Variants in MARCHF6 observed in about 807,000 individuals in gnomAD.
MARCHF6 encodes the protein membrane associated ring-CH-type finger 6, also known as E3 ubiquitin-protein ligase MARCHF6.
A neutral mutation model predicts 133.7 loss-of-function variants in MARCHF6; 31 were observed. The observed-to-expected ratio is 0.23, with a 90% CI of 0.17 to 0.31. The LOEUF is 0.31. MARCHF6 is among the 10% of genes least tolerant of loss of function. MARCHF6 has a pLI of 1.00. For synonymous variants in MARCHF6, 395 were observed against 402.5 expected, an observed-to-expected ratio of 0.98 and a Z score of 0.22; for missense variants, 723 against 1,121.6, an observed-to-expected ratio of 0.64 and a Z score of 5.08.
intron 25 of MARCHF6, 104 bp from the exon 26 acceptor site, chr5:10,433,490 A>T: frequency 1.2e-6 from 1 of 833,722 alleles, no homozygotes; most frequent in Non-Finnish European, 2.0e-6. Context: ...TGACTTGCCC[A>T]ACCATTGACG....
Position 10,381,844 on chromosome 5 carries a change from T to C in MARCHF6, c.235T>C (p.Phe79Leu), listed in dbSNP as rs1242316805. 4 of 1,611,768 alleles carry C rather than the reference T, an allele frequency of 2.5e-6. No homozygotes were observed. The highest frequency in any genetic ancestry group is 2.2e-5 in the East Asian group (1 of 44,778). The change falls in exon 4 of 26, where the codon TTT becomes CTT. Residue 79 changes from phenylalanine (F) to leucine (L), a missense_variant. Phe to Leu is a conservative substitution (Grantham distance 22, BLOSUM62 0). Around this residue, in one of 4 missense-constraint regions of MARCHF6, gnomAD observed 91 missense variants for 208.8 expected, o/e 0.44. Transcript: ENST00000274140. ...MPSRLPIQDI[F>L]AGLVTSIGTA... ...TTCACGGCTTCCAATTCAAGACATA[T>C]TTGCTGGACTGGTTACAAGTATTGG...
chr5:10,401,875 T>TATA, intron 11 of MARCHF6, 184 bp from the exon 12 acceptor site: 1 of 589,102 alleles, frequency 1.7e-6, no homozygotes. Flanking sequence ...TTTAGTAATA[T>TATA]ATAACAGTCA....
intron 1 of MARCHF6, among the ~76,000 whole-genome samples, chr5:10,360,216 C>G (rs1433084279): frequency 7.7e-6 from 1 of 129,738 alleles, no homozygotes; most frequent in East Asian, 2.5e-4. Flanking sequence ...GTGGCACCAT[C>G]TCAGCTCATT....
chr5:10,421,641 C>T (rs548806665), intron 22 of MARCHF6, among the ~76,000 whole-genome samples: 3 of 152,232 alleles, frequency 2.0e-5, no homozygotes, highest in South Asian at 4.2e-4. Context: ...TTGGAGAACG[C>T]GAATCACAGT....
chr5:10,402,629 G>A (rs774973309), intron 14 of MARCHF6, 22 bp downstream of exon 14: 1 of 1,576,026 alleles, frequency 6.3e-7, no homozygotes. Flanking sequence ...ATTCATTATT[G>A]TATAATAGCA....
At chr5:10,420,275 A>ATT (rs1687473865) in intron 22 of MARCHF6, among the ~76,000 whole-genome samples, 6 of 152,204 alleles carry the variant, frequency 3.9e-5, no homozygotes, top group African/African-American at 1.2e-4. Flanking sequence ...CAAGTAACAA[A>ATT]TGTTGGCTAA....
At chr5:10,426,682 A>G (rs1232750802) in intron 24 of MARCHF6, among the ~76,000 whole-genome samples, 160 bp downstream of exon 24, 2 of 152,222 alleles carry the variant, frequency 1.3e-5, no homozygotes, top group Non-Finnish European at 2.9e-5. Flanking sequence ...CTTAGATTTG[A>G]CTATTCTGGG....
chr5:10,377,516 T>C (rs1044238538), intron 1 of MARCHF6, among the ~76,000 whole-genome samples: 1 of 152,250 alleles, frequency 6.6e-6, no homozygotes, highest in Non-Finnish European at 1.5e-5. Flanking sequence ...GAGCGCAGTT[T>C]TGAATAAAAC....
intron 1 of MARCHF6, among the ~76,000 whole-genome samples, chr5:10,374,087 T>G (rs908822421): frequency 2.0e-5 from 3 of 151,940 alleles, no homozygotes; most frequent in African/African-American, 7.3e-5. Flanking sequence ...AATTTGATTC[T>G]GCAGAGAGAG....
chr5:10,365,502 G>T (rs1240119469), intron 1 of MARCHF6, among the ~76,000 whole-genome samples: 1 of 152,002 alleles, frequency 6.6e-6, no homozygotes, highest in East Asian at 1.9e-4. Flanking sequence ...GTTTCTCCAT[G>T]TTGGTCAGGT....
chr5:10,388,390 A>G (rs980051362), intron 5 of MARCHF6, among the ~76,000 whole-genome samples: 3 of 152,122 alleles, frequency 2.0e-5, no homozygotes, highest in Non-Finnish European at 2.9e-5. Flanking sequence ...AAATTTCCTT[A>G]ATGTCTTACC....
intron 1 of MARCHF6, among the ~76,000 whole-genome samples, chr5:10,359,179 C>G (rs574359816): frequency 6.6e-6 from 1 of 152,258 alleles, no homozygotes; most frequent in Non-Finnish European, 1.5e-5. Flanking sequence ...TGAGGTGCCA[C>G]TAAGTGATGC....
At chr5:10,384,171 G>A (rs901743245) in intron 4 of MARCHF6, among the ~76,000 whole-genome samples, 1 of 152,130 alleles carries the variant, frequency 6.6e-6, no homozygotes. Context: ...TTAAAAGCCT[G>A]AATGTGAAAG....
chr5:10,415,719 A>T, intron 21 of MARCHF6, 50 bp downstream of exon 21: 3 of 1,435,540 alleles, frequency 2.1e-6, no homozygotes, highest in South Asian at 1.6e-5. Flanking sequence ...AATAGTGAAT[A>T]TTTTTCCAGT....
intron 6 of MARCHF6, 64 bp from the exon 7 acceptor site, chr5:10,391,478 T>C: frequency 1.5e-6 from 1 of 663,796 alleles, no homozygotes; most frequent in South Asian, 1.9e-5. Context: ...AGGAATAATG[T>C]GATTTGGAAA....
chr5:10,421,307 T>C (rs1739808908), intron 22 of MARCHF6, among the ~76,000 whole-genome samples: 1 of 152,090 alleles, frequency 6.6e-6, no homozygotes, highest in South Asian at 2.1e-4. Flanking sequence ...CCAAATAAAA[T>C]GTGGAATATC....
chr5:10,411,333 G>T lies in MARCHF6; in HGVS notation c.1692G>T (p.Leu564=). ...RAWTVTAGYL[L]DLHSYLLGDQ... ...TGTTACTGATGTAATTTTTGCACAG[G>T]GATCTTCATTCTTATTTATTGGGAG... Residue 564 remains leucine (L), a splice_region_variant and synonymous_variant, in exon 19 of 26, where the codon CTG becomes CTT. Transcript: ENST00000274140. 1 of 1,613,682 alleles carries T rather than the reference G, an allele frequency of 6.2e-7. No homozygotes were observed. Among genetic ancestry groups the T allele is most frequent in the Non-Finnish European group, 8.5e-7 (1 of 1,179,748 alleles).
At chr5:10,374,038 C>T (rs760486406) in intron 1 of MARCHF6, among the ~76,000 whole-genome samples, 4 of 151,306 alleles carry the variant, frequency 2.6e-5, no homozygotes, top group Admixed American at 6.6e-5. Context: ...CCTACTGAGG[C>T]GACCACTGTG....
At chr5:10,433,040 C>T (rs1740444303) in intron 25 of MARCHF6, among the ~76,000 whole-genome samples, 1 of 151,870 alleles carries the variant, frequency 6.6e-6, no homozygotes, top group Non-Finnish European at 1.5e-5. Flanking sequence ...GTAGCTGGGA[C>T]CACACACACC....
Sources: gnomAD v4.1 joint callset for allele counts (sites outside exome capture counted in the v4.1 genomes callset) on GRCh38, gnomAD v4.1.1 for gene constraint, gnomAD v4.1.1 regional missense constraint, MANE v1.5 for transcripts, NCBI Gene and HGNC (gene_info 2026-07-23, HGNC 2026-07-21) for gene names.